Variants in EPS15 observed in about 807,000 individuals in gnomAD.
The protein encoded by EPS15 is epidermal growth factor receptor pathway substrate 15.
In EPS15, 72 loss-of-function variants were observed where a neutral mutation model predicts 113.8. The ratio of observed to expected loss-of-function variants is 0.63; its 90% CI spans 0.52 to 0.77. The LOEUF is 0.77. Among genes scored for constraint, EPS15 ranks in the 30% least tolerant of loss-of-function variants. The pLI is 0.00. For synonymous variants in EPS15, 344 were observed against 363.4 expected (o/e 0.95, Z 0.61); for missense variants, 1,048 against 1,045.8 (o/e 1.00, Z -0.03).
At chr1:51,428,781 T>C (rs1351675455) in intron 12 of EPS15, among the ~76,000 whole-genome samples, 3 of 140,432 alleles carry the variant, frequency 2.1e-5, no homozygotes, top group African/African-American at 8.2e-5. Flanking sequence ...GAGCCGAGAT[T>C]GCACTGCTGC....
chr1:51,506,251 A>T (rs1265175191), intron 1 of EPS15, among the ~76,000 whole-genome samples: 1 of 152,192 alleles, frequency 6.6e-6, no homozygotes, highest in Non-Finnish European at 1.5e-5. Flanking sequence ...TAGATGGCTC[A>T]TATTTTTAAA....
chr1:51,461,388 G>A (rs1264128219), intron 7 of EPS15, among the ~76,000 whole-genome samples: 1 of 151,952 alleles, frequency 6.6e-6, no homozygotes, highest in East Asian at 1.9e-4. Context: ...GGGCATGGTG[G>A]CATCCACCTG....
intron 1 of EPS15, among the ~76,000 whole-genome samples, chr1:51,488,138 A>G (rs1465606092): frequency 3.3e-5 from 5 of 152,196 alleles, no homozygotes; most frequent in African/African-American, 9.7e-5. Context: ...ATGAAACAAT[A>G]AGGCTATTTT....
intron 1 of EPS15, among the ~76,000 whole-genome samples, chr1:51,509,616 C>A (rs1402475158): frequency 6.6e-6 from 1 of 152,116 alleles, no homozygotes; most frequent in African/African-American, 2.4e-5. Context: ...ATAACCATGT[C>A]TGAGAGAATA....
At chr1:51,372,375 G>C (rs1386287460) in intron 21 of EPS15, 1 of 536,506 alleles carries the variant, frequency 1.9e-6, no homozygotes, top group Non-Finnish European at 3.8e-6. Flanking sequence ...CATTGTTGGT[G>C]TGCTTTTGGG....
Position 51,444,933 on chromosome 1 carries a change from T to A in EPS15, c.910A>T (p.Thr304Ser), listed in dbSNP as rs754262570. ...IKGIDPPHVL[T>S]PEMIPPSDRA... ...TCTGATGGTGGAATCATTTCAGGAG[T>A]AAGAACGTGAGGAGGATCAATGCCC... The change falls in exon 11 of 25, where the codon ACT becomes TCT. Residue 304 changes from threonine to serine, a missense_variant. Coordinates refer to ENST00000371733, the MANE Select transcript of EPS15 (RefSeq NM_001981.3). 1.4e-5 allele frequency: 23 copies of A among 1,613,840 alleles called. No homozygotes were observed. Among genetic ancestry groups the A allele is most frequent in the Non-Finnish European group, 1.8e-5 (21 of 1,179,900 alleles).
At chr1:51,378,475 A>C (rs1387253880) in intron 21 of EPS15, among the ~76,000 whole-genome samples, 3 of 152,048 alleles carry the variant, frequency 2.0e-5, no homozygotes, top group Non-Finnish European at 4.4e-5. Flanking sequence ...TGGGTTCCTA[A>C]AACAAAACCA....
Position 51,369,356 on chromosome 1 carries a change from C to T in EPS15, c.2120-3327G>A, listed in dbSNP as rs1040184789. On this transcript the variant is annotated intron_variant, in intron 21 of 24. Coordinates refer to ENST00000371733, the MANE Select transcript of EPS15 (RefSeq NM_001981.3). ...CAATGAGTTCAACTTGTTCAGATCA[C>T]GCGTAAGATACCTGCTGGGGGGAGT... is the stretch of plus-strand genomic sequence containing the variant. Among the ~76,000 whole-genome samples the T allele has an allele frequency of 2.0e-4, 30 of 152,108 alleles. 1 individual carries two copies. Among genetic ancestry groups the T allele is most frequent in the African/African-American group, 3.9e-4 (16 of 41,412 alleles).
intron 1 of EPS15, among the ~76,000 whole-genome samples, chr1:51,503,026 T>C (rs1288040291): frequency 6.9e-6 from 1 of 145,846 alleles, no homozygotes; most frequent in Non-Finnish European, 1.5e-5. Context: ...AAAAAAAGAA[T>C]TCCATTCACA....
At chr1:51,439,600 T>A (rs1016060529) in intron 12 of EPS15, among the ~76,000 whole-genome samples, 6 of 152,078 alleles carry the variant, frequency 3.9e-5, no homozygotes, top group South Asian at 2.1e-4. Flanking sequence ...CTATAAAGTT[T>A]CCAGGGAACA....
chr1:51,440,764 T>C (rs1212867079), intron 11 of EPS15, among the ~76,000 whole-genome samples: 1 of 152,076 alleles, frequency 6.6e-6, no homozygotes, highest in East Asian at 1.9e-4. Flanking sequence ...CATAAACTAA[T>C]TCCTCCACTG....
chr1:51,368,269 G>A (rs1174150375), intron 21 of EPS15, among the ~76,000 whole-genome samples: 1 of 152,194 alleles, frequency 6.6e-6, no homozygotes. Flanking sequence ...CATAAAAAGA[G>A]GAGCAAAGAA....
At chr1:51,509,027 T>C (rs1644572444) in intron 1 of EPS15, among the ~76,000 whole-genome samples, 1 of 152,174 alleles carries the variant, frequency 6.6e-6, no homozygotes, top group African/African-American at 2.4e-5. Context: ...TGGCACCCCC[T>C]TGCCTTACTT....
In EPS15 at chr1:51,498,090, CGATAA is replaced by C. The variant is rs370470172; in HGVS notation, c.34-16781_34-16777del. Among the ~76,000 whole-genome samples the C allele has an allele frequency of 1.7e-4, 26 of 151,990 alleles. No homozygotes were observed. The East Asian group carries it at 3.3e-3, about 19-fold the overall frequency. On this transcript the variant is annotated intron_variant, in intron 1 of 24. Coordinates refer to ENST00000371733, the MANE Select transcript of EPS15 (RefSeq NM_001981.3). ...CTTAAACCCCCCTTTTCCAACTAGT[CGATAA>C]GATAACAATGTCACTTCTCTATATT...
Position 51,448,091 on chromosome 1 carries a change from T to C in EPS15, c.606A>G (p.Pro202=), listed in dbSNP as rs1653216527. The C allele has an allele frequency of 1.2e-6, 2 of 1,613,834 alleles. No homozygotes were observed. Among genetic ancestry groups the C allele is most frequent in the African/African-American group, 1.3e-5 (1 of 75,028 alleles). ...VYCALEKEPV[P]MSLPPALVPP... ...GCACCAAGGCTGGAGGCAAGGACATTGGCACAGGTTCTTTCTCCAGTGCAC... is the reference window on the plus strand; with the variant it reads ...GCACCAAGGCTGGAGGCAAGGACATCGGCACAGGTTCTTTCTCCAGTGCAC... Residue 202 remains proline (P), a synonymous_variant, in exon 9 of 25, where the codon CCA becomes CCG. Coordinates refer to ENST00000371733, the MANE Select transcript of EPS15 (RefSeq NM_001981.3).
At chr1:51,375,625 A>G (rs1156801564) in intron 21 of EPS15, among the ~76,000 whole-genome samples, 3 of 152,214 alleles carry the variant, frequency 2.0e-5, no homozygotes, top group Non-Finnish European at 4.4e-5. Context: ...TAAATACATT[A>G]AAAACCTATA....
intron 8 of EPS15, among the ~76,000 whole-genome samples, chr1:51,453,109 A>G (rs1653706295): frequency 6.6e-6 from 1 of 152,086 alleles, no homozygotes; most frequent in Non-Finnish European, 1.5e-5. Flanking sequence ...TCTGACTAAC[A>G]TACACTTCCA....
chr1:51,386,062 TA>T (rs1557787353), intron 21 of EPS15, among the ~76,000 whole-genome samples: 1 of 152,128 alleles, frequency 6.6e-6, no homozygotes, highest in African/African-American at 2.4e-5. Context: ...TACCACAATT[TA>T]AAAAAACTAC....
chr1:51,511,424 G>A (rs964807102), intron 1 of EPS15, among the ~76,000 whole-genome samples: 18 of 151,842 alleles, frequency 1.2e-4, no homozygotes, highest in Admixed American at 9.2e-4. Flanking sequence ...TGAACCCAGG[G>A]GTGGAGGTTG....
Sources: allele counts gnomAD v4.1 joint callset (sites outside exome capture counted in the v4.1 genomes callset), GRCh38; gene constraint gnomAD v4.1.1; transcripts MANE v1.5; gene names NCBI Gene and HGNC (gene_info 2026-07-23, HGNC 2026-07-21).